SEC23A: variants seen among roughly 807,000 people sequenced by gnomAD.
SEC23A encodes protein transport protein Sec23A.
Under a neutral mutation model 103.7 loss-of-function variants are expected in SEC23A, and 56 were observed. That is an observed-to-expected ratio of 0.54 (90% confidence interval 0.44 to 0.67). The LOEUF is 0.67. SEC23A is among the 30% of genes least tolerant of loss of function. The pLI is 0.00. For synonymous variants in SEC23A, 281 were observed against 293.0 expected, an observed-to-expected ratio of 0.96 and a Z score of 0.42; for missense variants, 784 against 936.4, an observed-to-expected ratio of 0.84 and a Z score of 2.12.
chr14:39,050,941 G>A lies in SEC23A; in HGVS notation c.1660-2212C>T, dbSNP rs139255721. 5.9e-5 allele frequency among the ~76,000 whole-genome samples: 9 copies of A among 152,316 alleles called. No individual in the cohort carries two copies. In the East Asian group the frequency reaches 1.5e-3, roughly 26 times the overall value. On this transcript the variant is annotated intron_variant, in intron 14 of 19. Coordinates refer to ENST00000307712, the MANE Select transcript of SEC23A (RefSeq NM_006364.4). ...AGTATCTTATGTGATAAATGACTTA[G>A]GTGATAACGCACTTTAGTTTCAGTA...
rs749410507 is a variant in SEC23A at position 39,033,105 on chromosome 14, ATGT to A, written c.*131_*133del. 1.5e-6 allele frequency: 1 copy of A among 683,822 alleles called. No homozygotes were observed. The highest frequency in any genetic ancestry group is 2.6e-6 in the Non-Finnish European group (1 of 377,514). The allele number at this position is 683,822 out of a possible 1,614,324, so 42.4% of individuals were successfully genotyped here. On this transcript the variant is annotated 3_prime_UTR_variant, in exon 20 of 20. Transcript: ENST00000307712. ...ATCTACAAATGTGAACATTTTCCAT[ATGT>A]TGTCTCAAACCATACTAATACAAAA...
chr14:39,062,887 C>T (rs1229201230), intron 12 of SEC23A, among the ~76,000 whole-genome samples: 2 of 152,132 alleles, frequency 1.3e-5, no homozygotes, highest in Admixed American at 6.5e-5. Flanking sequence ...AATACGATTA[C>T]TTTCCAAACT....
intron 9 of SEC23A, among the ~76,000 whole-genome samples, chr14:39,067,688 T>C (rs868763876): frequency 5.8e-4 from 50 of 85,524 alleles, no homozygotes; most frequent in Admixed American, 4.4e-3. Context: ...TTTTTTTTTT[T>C]CAGACAGGGT....
chr14:39,095,702 T>G (rs902824586), intron 2 of SEC23A, among the ~76,000 whole-genome samples, 196 bp downstream of exon 2: 5 of 152,186 alleles, frequency 3.3e-5, no homozygotes, highest in Admixed American at 2.6e-4. Flanking sequence ...ACTTTTACAT[T>G]TGGTCTCTTT....
chr14:39,065,537 C>T (rs968269596), intron 10 of SEC23A, among the ~76,000 whole-genome samples: 4 of 152,160 alleles, frequency 2.6e-5, no homozygotes, highest in Admixed American at 6.5e-5. Context: ...ACATGTGTCT[C>T]CACACTACAG....
chr14:39,047,066 G>T (rs950451679), intron 15 of SEC23A, among the ~76,000 whole-genome samples: 5 of 152,156 alleles, frequency 3.3e-5, no homozygotes, highest in African/African-American at 1.2e-4. Context: ...TAAATGTTAG[G>T]TAATATTTTG....
At chr14:39,037,341 A>G (rs866613557) in intron 19 of SEC23A, among the ~76,000 whole-genome samples, 5 of 151,970 alleles carry the variant, frequency 3.3e-5, no homozygotes, top group East Asian at 1.9e-4. Flanking sequence ...ATTTATTGAC[A>G]TATGTTTTCC....
chr14:39,032,084 TAA>T lies in SEC23A; in HGVS notation c.*1153_*1154del. On this transcript the variant is annotated 3_prime_UTR_variant, in exon 20 of 20. Transcript: ENST00000307712. ...ATTGTGTTCATGCAAGTACAATCAT[TAA>T]AACTGTCCTCCTAAGCATATATCAT... is the stretch of plus-strand genomic sequence containing the variant. The T allele has an allele frequency of 6.5e-6, 1 of 152,758 alleles. No homozygotes were observed. The allele number at this position is 152,758 out of a possible 1,614,324, so 9.5% of individuals were successfully genotyped here.
Position 39,077,132 on chromosome 14 carries a change from G to T in SEC23A, c.829-1039C>A, listed in dbSNP as rs537766631. On this transcript the variant is annotated intron_variant, in intron 7 of 19. Coordinates refer to ENST00000307712, the MANE Select transcript of SEC23A (RefSeq NM_006364.4). ...AGTCCCAGCTACTCAGGAAGCTGGG[G>T]CAGGAGAATTGCTTCGACCCAGGAG... Among the ~76,000 whole-genome samples, 231 of 148,032 alleles carry T rather than the reference G, an allele frequency of 1.6e-3. 1 individual carries two copies. The highest frequency in any genetic ancestry group is 5.3e-3 in the African/African-American group (211 of 39,996).
chr14:39,043,847 G>A (rs1191423104), intron 16 of SEC23A, among the ~76,000 whole-genome samples: 1 of 152,180 alleles, frequency 6.6e-6, no homozygotes, highest in Non-Finnish European at 1.5e-5. Flanking sequence ...GACATTGGTG[G>A]TCTTTATAAG....
intron 17 of SEC23A, among the ~76,000 whole-genome samples, chr14:39,042,444 G>C (rs562402469): frequency 3.9e-5 from 6 of 152,132 alleles, no homozygotes; most frequent in Non-Finnish European, 8.8e-5. Context: ...AACGTAAAAG[G>C]AAAGCCTGCC....
chr14:39,076,712 G>C (rs1887038407), intron 7 of SEC23A, among the ~76,000 whole-genome samples: 1 of 151,772 alleles, frequency 6.6e-6, no homozygotes, highest in Non-Finnish European at 1.5e-5. Flanking sequence ...GGTCACCTGA[G>C]GTCAGGAGTT....
Position 39,085,689 on chromosome 14 carries a change from T to TATACAC in SEC23A, c.828+72_828+73insGTGTAT, listed in dbSNP as rs573160536. 5,895 of 1,191,004 alleles carry TATACAC rather than the reference T, an allele frequency of 4.9e-3. 9 individuals carry two copies. Among genetic ancestry groups the TATACAC allele is most frequent in the East Asian group, 0.024 (890 of 37,436 alleles). 73.8% of individuals were successfully genotyped at this position (1,191,004 alleles called of 1,614,324 possible). A position where few individuals can be genotyped will look rare whatever the true frequency, so the allele number is the denominator to read the frequency against. On this transcript the variant is annotated intron_variant, in intron 7 of 19. Transcript: ENST00000307712. Reference sequence around the variant, plus strand: ...TTCTTCTTATCCTTATAATTATATATACACACACACACACACACACACACA... The same window carrying TATACAC: ...TTCTTCTTATCCTTATAATTATATATATACACACACACACACACACACACACACACA...
At chr14:39,039,811 T>G (rs1885577015) in intron 18 of SEC23A, 1 of 152,194 alleles carries the variant, frequency 6.6e-6, no homozygotes, top group Admixed American at 6.5e-5. Context: ...TGTGTTCCCT[T>G]GGCCATAAGT....
At chr14:39,063,258 G>T in intron 12 of SEC23A, 66 bp downstream of exon 12, 1 of 932,924 alleles carries the variant, frequency 1.1e-6, no homozygotes, top group Non-Finnish European at 1.8e-6. Context: ...ACTATTCATG[G>T]CCTAAAGTAA....
Position 39,061,833 on chromosome 14 carries a change from G to A in SEC23A, c.1437C>T (p.Ile479=), listed in dbSNP as rs774786642. The A allele has an allele frequency of 2.5e-6, 4 of 1,613,822 alleles. No homozygotes were observed. Among genetic ancestry groups the A allele is most frequent in the Non-Finnish European group, 3.4e-6 (4 of 1,179,846 alleles). The part of the protein sequence containing the change: ...APIPQGGRGA[I]QFVTQYQHSS... ...AATGCTGATACTGAGTCACAAACTGGATTGCACCACGCCCTCCTTGAGGAA... is the reference window on the plus strand; with the variant it reads ...AATGCTGATACTGAGTCACAAACTGAATTGCACCACGCCCTCCTTGAGGAA... The change falls in exon 13 of 20, where the codon ATC becomes ATT. Residue 479 remains isoleucine (I), a synonymous_variant. Coordinates refer to ENST00000307712, the MANE Select transcript of SEC23A (RefSeq NM_006364.4).
Position 39,093,190 on chromosome 14 carries a change from A to T in SEC23A, c.276T>A (p.Asn92Lys). 6.2e-7 allele frequency: 1 copy of T among 1,612,750 alleles called. No individual in the cohort carries two copies. The change falls in exon 3 of 20, where the codon AAT becomes AAA. Residue 92 changes from asparagine to lysine, a missense_variant. Asn to Lys is a moderately conservative substitution (Grantham distance 94). This residue lies in a region of SEC23A where 683 missense variants were observed against 774.2 expected (regional missense o/e 0.88). Coordinates refer to ENST00000307712, the MANE Select transcript of SEC23A (RefSeq NM_006364.4). ...LWACNFCYQRNQFPPSYAGIS... is the reference protein window; with the variant it reads ...LWACNFCYQRKQFPPSYAGIS... Reference sequence around the variant, plus strand: ...CATGCAATGGATGTTTTCTTACCTGATTCCTTTGGTAACAAAAGTTGCAAG... The same window carrying T: ...CATGCAATGGATGTTTTCTTACCTGTTTCCTTTGGTAACAAAAGTTGCAAG...
In SEC23A at chr14:39,096,158, A is replaced by G; in HGVS notation, c.-21-19T>C. On this transcript the variant is annotated intron_variant, in intron 1 of 19. Transcript: ENST00000307712. ...CTTATTTCTGTATCAAAATTTTAAA[A>G]TATTTTAAAATCCAGGATCCTCTTA... 6.8e-7 allele frequency: 1 copy of G among 1,468,122 alleles called. No homozygotes were observed. Among genetic ancestry groups the G allele is most frequent in the African/African-American group, 1.4e-5 (1 of 71,950 alleles). 90.9% of individuals were successfully genotyped at this position (1,468,122 alleles called of 1,614,324 possible). A position where few individuals can be genotyped will look rare whatever the true frequency, so the allele number is the denominator to read the frequency against.
chr14:39,054,028 A>G (rs1407381695), intron 14 of SEC23A, among the ~76,000 whole-genome samples: 1 of 152,152 alleles, frequency 6.6e-6, no homozygotes, highest in Non-Finnish European at 1.5e-5. Context: ...TAATCCCAAC[A>G]CTTTGGGAGA....
Sources: allele counts gnomAD v4.1 joint callset (sites outside exome capture counted in the v4.1 genomes callset), GRCh38; gene constraint gnomAD v4.1.1; regional missense constraint gnomAD v4.1.1; transcripts MANE v1.5; gene names NCBI Gene and HGNC (gene_info 2026-07-23, HGNC 2026-07-21).